The following FBXO16 variants were observed in gnomAD, a reference collection of about 807,000 sequenced individuals.
FBXO16 encodes F-box protein 16, also known as F-box only protein 16.
Under a neutral mutation model 41.0 loss-of-function variants are expected in FBXO16, and 31 were observed. The ratio of observed to expected loss-of-function variants is 0.76; its 90% CI spans 0.57 to 1.02. The LOEUF is 1.02. FBXO16 is among the 50% of genes least tolerant of loss of function. The probability of loss-of-function intolerance (pLI) is 0.00; values close to 1 mark genes in which losing one functional copy is unlikely to be tolerated. For synonymous variants in FBXO16, 133 were observed against 117.8 expected, an observed-to-expected ratio of 1.13 and a Z score of -0.84; for missense variants, 361 against 346.2, an observed-to-expected ratio of 1.04 and a Z score of -0.34.
At chr8:28,472,315 A>C (rs556340737) in intron 3 of FBXO16, among the ~76,000 whole-genome samples, 20 of 152,232 alleles carry the variant, frequency 1.3e-4, no homozygotes, top group Non-Finnish European at 2.1e-4. Context: ...TGCCCAGGCT[A>C]GTCTCAAACT....
rs1288567077 is a variant in FBXO16, at chr8:28,428,706, C to T, written c.*21G>A. Reference sequence around the variant, plus strand: ...GGAGGCCAGGCGAGATGAGCTGGAACTTTTAGGGGAGAGCTGGCACTTAGG... The same window carrying T: ...GGAGGCCAGGCGAGATGAGCTGGAATTTTTAGGGGAGAGCTGGCACTTAGG... On this transcript the variant is annotated 3_prime_UTR_variant, in exon 9 of 9. Transcript: ENST00000380254. 23 of 1,570,642 alleles carry T rather than the reference C, an allele frequency of 1.5e-5. No individual in the cohort carries two copies. The highest frequency in any genetic ancestry group is 2.0e-5 in the Non-Finnish European group (23 of 1,160,736).
chr8:28,429,391 T>A lies in FBXO16; in HGVS notation c.856A>T (p.Asn286Tyr), dbSNP rs1426867825. 8.7e-6 allele frequency: 14 copies of A among 1,614,018 alleles called. No individual in the cohort carries two copies. The highest frequency in any genetic ancestry group is 1.2e-5 in the Non-Finnish European group (14 of 1,179,956). The change falls in exon 8 of 9, where the codon AAT (asparagine) becomes TAT (tyrosine). Residue 286 changes from asparagine to tyrosine, a missense_variant. By Grantham distance (143) the Asn-to-Tyr change is moderately radical. Coordinates refer to ENST00000380254, the MANE Select transcript of FBXO16 (RefSeq NM_172366.4). ...ACCGAAACTCACAGTGGGAAGGGAT[T>A]TCTCCTCGACATCTGGCCGCGAGCA... is the stretch of plus-strand genomic sequence containing the variant. ...RKAQSMMSRRNPFPLCP is the reference protein window; with the variant it reads ...RKAQSMMSRRYPFPLCP
chr8:28,429,296 TAC>T, intron 8 of FBXO16, 80 bp downstream of exon 8: 2 of 1,496,540 alleles, frequency 1.3e-6, no homozygotes, highest in South Asian at 2.3e-5. Context: ...TCCCATAATT[TAC>T]ACTCTCCATT....
At chr8:28,474,625 CAT>C (rs1229157083) in intron 2 of FBXO16, among the ~76,000 whole-genome samples, 2 of 152,290 alleles carry the variant, frequency 1.3e-5, no homozygotes, top group South Asian at 2.1e-4. Context: ...TAAGTACTCA[CAT>C]ATGTGTATAA....
intron 7 of FBXO16, among the ~76,000 whole-genome samples, chr8:28,444,030 G>A (rs6996582): frequency 1.3e-5 from 2 of 151,908 alleles, no homozygotes; most frequent in African/African-American, 4.8e-5. Context: ...TATTTCTTTA[G>A]GTTCTTAATA....
At chr8:28,449,908 G>T (rs894572571) in intron 6 of FBXO16, among the ~76,000 whole-genome samples, 4 of 148,346 alleles carry the variant, frequency 2.7e-5, no homozygotes, top group Non-Finnish European at 5.9e-5. Context: ...GGAGGCAGAG[G>T]TTGCAGTGAG....
intron 6 of FBXO16, among the ~76,000 whole-genome samples, chr8:28,451,349 T>C (rs1802949041): frequency 6.6e-6 from 1 of 151,722 alleles, no homozygotes; most frequent in Non-Finnish European, 1.5e-5. Context: ...TTTTCTTTGT[T>C]TTCTTTCTCT....
chr8:28,484,883 C>G (rs940167609), intron 1 of FBXO16, among the ~76,000 whole-genome samples: 12 of 151,076 alleles, frequency 7.9e-5, no homozygotes, highest in Admixed American at 1.3e-4. Context: ...CGTGAGCCAC[C>G]GCGCCCGGCC....
intron 7 of FBXO16, among the ~76,000 whole-genome samples, chr8:28,442,330 T>C (rs1005999100): frequency 3.3e-5 from 5 of 152,116 alleles, no homozygotes; most frequent in African/African-American, 4.8e-5. Context: ...ATAATTTTCA[T>C]AAGGAGCCTT....
At chr8:28,473,448 C>T (rs548489907) in intron 3 of FBXO16, among the ~76,000 whole-genome samples, 21 of 152,122 alleles carry the variant, frequency 1.4e-4, no homozygotes, top group South Asian at 1.2e-3. Flanking sequence ...GAGGGTGGGG[C>T]CCTCATGAAG....
At chr8:28,465,803 G>GTTTTGT (rs201754476) in intron 3 of FBXO16, among the ~76,000 whole-genome samples, 10,925 of 151,616 alleles carry the variant, frequency 0.072, 957 homozygotes, top group African/African-American at 0.2. Flanking sequence ...TGTTGTTGTT[G>GTTTTGT]TTTTGTTTTT....
At chr8:28,465,617 A>G (rs1334674229) in intron 3 of FBXO16, among the ~76,000 whole-genome samples, 1 of 151,956 alleles carries the variant, frequency 6.6e-6, no homozygotes, top group African/African-American at 2.4e-5. Flanking sequence ...CCTGTCAATA[A>G]AAATAAAAAA....
chr8:28,468,365 G>A (rs1450716307), intron 3 of FBXO16, among the ~76,000 whole-genome samples: 1 of 152,112 alleles, frequency 6.6e-6, no homozygotes, highest in Non-Finnish European at 1.5e-5. Flanking sequence ...TTGCTAGGGC[G>A]ATCAGGTTCC....
intron 3 of FBXO16, 42 bp downstream of exon 3, chr8:28,473,730 A>G (rs781399169): frequency 4.5e-6 from 7 of 1,538,610 alleles, no homozygotes; most frequent in African/African-American, 4.1e-5. Flanking sequence ...ATGAAAACAG[A>G]TAACATAACA....
intron 3 of FBXO16, 143 bp downstream of exon 3, chr8:28,473,629 G>A: frequency 1.4e-6 from 1 of 734,440 alleles, no homozygotes; most frequent in Non-Finnish European, 2.3e-6. Flanking sequence ...AAAAACAAAT[G>A]TCTGGGTTTT....
intron 4 of FBXO16, among the ~76,000 whole-genome samples, chr8:28,459,344 G>A (rs1803086393): frequency 6.6e-6 from 1 of 152,048 alleles, no homozygotes; most frequent in Non-Finnish European, 1.5e-5. Flanking sequence ...TAGGCTGGGC[G>A]CAGTGGCTCA....
chr8:28,448,970 G>A (rs1481485594), intron 6 of FBXO16: 1 of 152,226 alleles, frequency 6.6e-6, no homozygotes, highest in African/African-American at 2.4e-5. Flanking sequence ...TTTGCCTGAT[G>A]TAATGGATCT....
chr8:28,464,373 G>A (rs776693488), intron 3 of FBXO16, among the ~76,000 whole-genome samples: 39 of 152,184 alleles, frequency 2.6e-4, no homozygotes, highest in Non-Finnish European at 4.6e-4. Context: ...AATGCCAAAG[G>A]AAGCCAGGGT....
intron 5 of FBXO16, among the ~76,000 whole-genome samples, chr8:28,453,660 A>G (rs572584030): frequency 6.6e-6 from 1 of 151,912 alleles, no homozygotes; most frequent in East Asian, 1.9e-4. Flanking sequence ...AAATCAAGAA[A>G]TTCCCCAGTT....
Sources: gnomAD v4.1 joint callset for allele counts (sites outside exome capture counted in the v4.1 genomes callset) on GRCh38, gnomAD v4.1.1 for gene constraint, MANE v1.5 for transcripts, NCBI Gene and HGNC (gene_info 2026-07-23, HGNC 2026-07-21) for gene names.